The following RBM18 variants were observed in gnomAD, a reference collection of about 807,000 sequenced individuals.
RBM18 encodes RNA binding motif protein 18.
A neutral mutation model predicts 26.4 loss-of-function variants in RBM18; 18 were observed. The ratio of observed to expected loss-of-function variants is 0.68; its 90% confidence interval spans 0.47 to 1.01. The LOEUF (loss-of-function observed/expected upper bound fraction) is 1.01, where lower values mean the gene tolerates loss of function less well. Ranked by LOEUF, RBM18 falls within the 50% of genes least tolerant of loss-of-function variation. The pLI, the probability that RBM18 is intolerant of heterozygous loss-of-function variation, is 0.00. For synonymous variants in RBM18, 74 were observed against 81.1 expected, an observed-to-expected ratio of 0.91 and a Z score of 0.47; for missense variants, 180 against 219.2, an observed-to-expected ratio of 0.82 and a Z score of 1.13.
chr9:122,261,371 T>G lies in RBM18; in HGVS notation c.113+9A>C. 1.3e-6 allele frequency: 2 copies of G among 1,592,690 alleles called. No homozygotes were observed. Among genetic ancestry groups the G allele is most frequent in the Non-Finnish European group, 1.7e-6 (2 of 1,160,496 alleles). On this transcript the variant is annotated intron_variant, in intron 2 of 5. Transcript: ENST00000417201. ...TTGTAGGTAAAAAACTAAGGTAACT[T>G]AGACTTACTCGGTAATTTTGGGGTC...
In RBM18 at chr9:122,241,871, T is replaced by C. The variant is rs1331661561; in HGVS notation, c.*13A>G. On this transcript the variant is annotated 3_prime_UTR_variant, in exon 6 of 6. Coordinates refer to ENST00000417201, the MANE Select transcript of RBM18 (RefSeq NM_033117.4). The stretch of plus-strand genomic sequence containing the variant: ...GACCAATTTGCTTTTGCTGCTACAG[T>C]AATTCACAACCATCATCTTCGAGAT... The C allele has an allele frequency of 6.2e-7, 1 of 1,610,336 alleles. No individual in the cohort carries two copies. Among genetic ancestry groups the C allele is most frequent in the Non-Finnish European group, 8.5e-7 (1 of 1,178,526 alleles).
intron 3 of RBM18, among the ~76,000 whole-genome samples, chr9:122,249,539 G>A (rs1201036541): frequency 4.6e-5 from 7 of 151,884 alleles, no homozygotes; most frequent in Non-Finnish European, 7.4e-5. Flanking sequence ...GCGAACCCCC[G>A]CTTCTACAAA....
chr9:122,245,372 C>T (rs1588378421), intron 4 of RBM18, 31 bp from the exon 5 acceptor site: 1 of 1,422,798 alleles, frequency 7.0e-7, no homozygotes. Context: ...AATTACTTCA[C>T]ATGGGCAGAA....
At position 122,241,657 on chromosome 9, in the gene RBM18, C is replaced by A; in HGVS notation, c.*227G>T. ...CAGCCAATTAGAGCATCCCAGGGTT[C>A]AAATCACAATTTGGGATACAACGCT... On this transcript the variant is annotated 3_prime_UTR_variant, in exon 6 of 6. Coordinates refer to ENST00000417201, the MANE Select transcript of RBM18 (RefSeq NM_033117.4). The A allele has an allele frequency of 2.5e-6, 1 of 407,804 alleles. No homozygotes were observed. Among genetic ancestry groups the A allele is most frequent in the Non-Finnish European group, 4.3e-6 (1 of 230,330 alleles). The allele number at this position is 407,804 out of a possible 1,614,324, so 25.3% of individuals were successfully genotyped here. A position where few individuals can be genotyped will look rare whatever the true frequency, so the allele number is the denominator to read the frequency against.
intron 2 of RBM18, among the ~76,000 whole-genome samples, chr9:122,257,143 T>C (rs1458543753): frequency 2.6e-5 from 4 of 152,210 alleles, no homozygotes; most frequent in African/African-American, 9.6e-5. Flanking sequence ...CGGCGCGATC[T>C]CGGCTCACTG....
intron 4 of RBM18, among the ~76,000 whole-genome samples, chr9:122,246,287 C>T (rs1831504410): frequency 6.6e-6 from 1 of 152,216 alleles, no homozygotes; most frequent in African/African-American, 2.4e-5. Context: ...GGATTACAGG[C>T]ATGAGCCACC....
At chr9:122,243,762 C>G in intron 5 of RBM18, 2 of 985,354 alleles carry the variant, frequency 2.0e-6, no homozygotes, top group Non-Finnish European at 2.4e-6. Flanking sequence ...ATTCTGGCCC[C>G]TCTTCCATTA....
chr9:122,243,785 G>C, intron 5 of RBM18: 1 of 985,250 alleles, frequency 1.0e-6, no homozygotes, highest in Non-Finnish European at 1.2e-6. Flanking sequence ...GCCACAGCTG[G>C]TCACTGATTT....
intron 1 of RBM18, among the ~76,000 whole-genome samples, chr9:122,262,639 G>A (rs528752136): frequency 1.4e-4 from 21 of 152,148 alleles, no homozygotes; most frequent in African/African-American, 3.9e-4. Flanking sequence ...ACTCATGGGC[G>A]GTGGCACGAT....
At chr9:122,255,835 G>A (rs577868342) in intron 2 of RBM18, among the ~76,000 whole-genome samples, 32 of 152,080 alleles carry the variant, frequency 2.1e-4, no homozygotes, top group African/African-American at 7.0e-4. Context: ...GTGAGACCTC[G>A]TCTCTACAAA....
At chr9:122,252,099 T>C (rs989908505) in intron 2 of RBM18, 126 bp from the exon 3 acceptor site, 4 of 1,252,094 alleles carry the variant, frequency 3.2e-6, no homozygotes, top group South Asian at 2.9e-5. Flanking sequence ...GCCCCCTGCC[T>C]TCCTCTAAAC....
chr9:122,261,140 A>C (rs1831786433), intron 2 of RBM18, among the ~76,000 whole-genome samples: 1 of 152,132 alleles, frequency 6.6e-6, no homozygotes, highest in Non-Finnish European at 1.5e-5. Context: ...CGTCTTTGGC[A>C]GATAGGAAAA....
intron 2 of RBM18, among the ~76,000 whole-genome samples, chr9:122,253,068 T>C (rs1305475988): frequency 6.6e-6 from 1 of 152,186 alleles, no homozygotes; most frequent in African/African-American, 2.4e-5. Flanking sequence ...GCTGTCCCTG[T>C]GATACTAAAA....
At position 122,241,983 on chromosome 9, in the gene RBM18, A is replaced by T. The variant is rs1442424958; in HGVS notation, c.474T>A (p.Asp158Glu). The T allele has an allele frequency of 6.2e-7, 1 of 1,614,118 alleles. No individual in the cohort carries two copies. The highest frequency in any genetic ancestry group is 1.7e-5 in the Admixed American group (1 of 60,008). ...AAACAGGCGCTGCTGGATACTCTGC[A>T]TCAGGATTTTCCGCCATCATTTTCA... ...AKLKMMAENP[D>E]AEYPAAPVYS... Residue 158 changes from aspartate to glutamate, a missense_variant, in exon 6 of 6, where the codon GAT (aspartate) becomes GAA (glutamate). Physicochemically the swap from Asp to Glu is conservative, Grantham distance 45. Around this residue, in one of 3 missense-constraint regions of RBM18, gnomAD observed 103 missense variants for 102.8 expected, o/e 1.00. Transcript: ENST00000417201.
At chr9:122,244,217 A>G (rs1212460181) in intron 5 of RBM18, among the ~76,000 whole-genome samples, 1 of 152,206 alleles carries the variant, frequency 6.6e-6, no homozygotes, top group Middle Eastern at 3.2e-3. Flanking sequence ...ACCATTCCTG[A>G]AAACATTTCA....
At chr9:122,245,051 T>A (rs1235077494) in intron 5 of RBM18, among the ~76,000 whole-genome samples, 1 of 152,178 alleles carries the variant, frequency 6.6e-6, no homozygotes, top group Admixed American at 6.5e-5. Flanking sequence ...TTCGAGGGAA[T>A]GATTCTGTAA....
chr9:122,264,659 A>C (rs1361209473), intron 1 of RBM18, 56 bp downstream of exon 1: 1 of 152,282 alleles, frequency 6.6e-6, no homozygotes, highest in Non-Finnish European at 1.5e-5. Context: ...GCCTCCTGTA[A>C]GACCTCTTAG....
chr9:122,259,757 A>G, intron 2 of RBM18, among the ~76,000 whole-genome samples: 1 of 152,120 alleles, frequency 6.6e-6, no homozygotes, highest in East Asian at 1.9e-4. Context: ...GCAGTGGCAC[A>G]ATCTCCGTGC....
At chr9:122,262,273 A>G (rs10985581) in intron 1 of RBM18, among the ~76,000 whole-genome samples, 77,614 of 152,052 alleles carry the variant, frequency 0.51, 20,971 homozygotes, top group African/African-American at 0.69. Context: ...TTTGCTAGCT[A>G]TGTAGCCCTG....
Sources: allele counts gnomAD v4.1 joint callset (sites outside exome capture counted in the v4.1 genomes callset), GRCh38; gene constraint gnomAD v4.1.1; regional missense constraint gnomAD v4.1.1; transcripts MANE v1.5; gene names NCBI Gene and HGNC (gene_info 2026-07-23, HGNC 2026-07-21).